PRDM5: variants seen among roughly 807,000 people sequenced by gnomAD.
PRDM5 encodes PR/SET domain 5, also known as PR domain zinc finger protein 5.
In PRDM5, 56 loss-of-function variants were observed where a neutral mutation model predicts 81.2. The ratio of observed to expected loss-of-function variants is 0.69; its 90% CI spans 0.56 to 0.86. The LOEUF is 0.86. Among genes scored for constraint, PRDM5 ranks in the 40% least tolerant of loss-of-function variants. The pLI is 0.00. For missense variants in PRDM5, 697 were observed against 770.1 expected, an observed-to-expected ratio of 0.91 and a Z score of 1.12; for synonymous variants, 267 against 256.4, an observed-to-expected ratio of 1.04 and a Z score of -0.39.
intron 3 of PRDM5, among the ~76,000 whole-genome samples, chr4:120,827,019 C>T (rs373412350): frequency 1.4e-4 from 21 of 152,138 alleles, no homozygotes; most frequent in African/African-American, 4.3e-4. Context: ...ACTAAGGTAC[C>T]GTAGAATATT....
chr4:120,857,744 G>A (rs531341964), intron 2 of PRDM5, among the ~76,000 whole-genome samples: 3 of 152,302 alleles, frequency 2.0e-5, no homozygotes, highest in South Asian at 4.1e-4. Flanking sequence ...ATAGGGAGCA[G>A]GGGAGAGAGA....
chr4:120,766,740 A>T (rs1335989156), intron 13 of PRDM5, among the ~76,000 whole-genome samples: 1 of 152,214 alleles, frequency 6.6e-6, no homozygotes, highest in Non-Finnish European at 1.5e-5. Context: ...GACCTTAGGC[A>T]AATCATTGCA....
At chr4:120,881,142 G>A (rs949221398) in intron 2 of PRDM5, among the ~76,000 whole-genome samples, 4 of 152,058 alleles carry the variant, frequency 2.6e-5, no homozygotes, top group Non-Finnish European at 5.9e-5. Context: ...CCCTTCCCTG[G>A]AGCTTCAATT....
intron 3 of PRDM5, among the ~76,000 whole-genome samples, chr4:120,822,324 T>G (rs2149350205): frequency 6.6e-6 from 1 of 152,294 alleles, no homozygotes; most frequent in East Asian, 1.9e-4. Context: ...AAACAGAGAC[T>G]GAATTTATTG....
intron 14 of PRDM5, among the ~76,000 whole-genome samples, chr4:120,716,664 C>CTG (rs1367356194): frequency 6.6e-6 from 1 of 152,164 alleles, no homozygotes; most frequent in Non-Finnish European, 1.5e-5. Flanking sequence ...ACTAGTCAGA[C>CTG]TGTCTATAGT....
At chr4:120,884,417 G>T (rs2597539) in intron 2 of PRDM5, among the ~76,000 whole-genome samples, 5 of 137,328 alleles carry the variant, frequency 3.6e-5, no homozygotes, top group African/African-American at 1.5e-4. Flanking sequence ...CCCTAAAAAT[G>T]CATAAAAGAA....
chr4:120,714,041 G>C (rs944199731), intron 14 of PRDM5, among the ~76,000 whole-genome samples: 8 of 152,140 alleles, frequency 5.3e-5, no homozygotes, highest in Non-Finnish European at 1.5e-5. Flanking sequence ...CCATCACACT[G>C]ATGGTTAGGA....
chr4:120,738,253 T>C (rs1478341967), intron 14 of PRDM5, among the ~76,000 whole-genome samples: 1 of 152,192 alleles, frequency 6.6e-6, no homozygotes, highest in Non-Finnish European at 1.5e-5. Flanking sequence ...ATAAGTATCA[T>C]TCTGATTACA....
intron 15 of PRDM5, among the ~76,000 whole-genome samples, chr4:120,706,102 T>C (rs1736082265): frequency 6.7e-6 from 1 of 148,710 alleles, no homozygotes; most frequent in African/African-American, 2.5e-5. Context: ...TTTTTTTTTT[T>C]CTTTTTGGAG....
Position 120,722,710 on chromosome 4 carries a change from G to A in PRDM5, c.1624-12297C>T, listed in dbSNP as rs914345098. On this transcript the variant is annotated intron_variant, in intron 14 of 15. Transcript: ENST00000264808. ...ACCAATGACAGCAATTCCACTTCCC[G>A]TGCAGTGATGGGTTTAGCTTAGAGC... 7.9e-5 allele frequency among the ~76,000 whole-genome samples: 12 copies of A among 152,212 alleles called. No homozygotes were observed. In the South Asian group the frequency reaches 8.3e-4, roughly 11 times the overall value.
intron 10 of PRDM5, among the ~76,000 whole-genome samples, chr4:120,785,387 A>G (rs1217556716): frequency 2.0e-5 from 3 of 152,160 alleles, no homozygotes; most frequent in Non-Finnish European, 4.4e-5. Context: ...CTCAGGGCCT[A>G]CTTTGTAGTG....
intron 2 of PRDM5, among the ~76,000 whole-genome samples, chr4:120,895,065 T>G (rs1363220425): frequency 6.6e-6 from 1 of 152,224 alleles, no homozygotes; most frequent in Non-Finnish European, 1.5e-5. Flanking sequence ...TACATGATAA[T>G]GTTAAATGTC....
At chr4:120,878,972 C>T (rs1762585017) in intron 2 of PRDM5, among the ~76,000 whole-genome samples, 1 of 152,186 alleles carries the variant, frequency 6.6e-6, no homozygotes, top group Admixed American at 6.5e-5. Flanking sequence ...TTGGAAGACA[C>T]TTTGACAGTT....
chr4:120,816,743 G>A, intron 6 of PRDM5, 89 bp downstream of exon 6: 1 of 1,515,036 alleles, frequency 6.6e-7, no homozygotes. Flanking sequence ...GTAGGTATGT[G>A]AAACTGAATT....
At chr4:120,696,315 A>T in intron 15 of PRDM5, among the ~76,000 whole-genome samples, 1 of 151,908 alleles carries the variant, frequency 6.6e-6, no homozygotes. Context: ...GATTCCCTTT[A>T]CTCTGTTCAA....
At chr4:120,878,413 T>C (rs1246783010) in intron 2 of PRDM5, among the ~76,000 whole-genome samples, 2 of 152,188 alleles carry the variant, frequency 1.3e-5, no homozygotes. Context: ...AATTAACTTT[T>C]CAAAATGAAT....
At chr4:120,733,882 G>T (rs1410489133) in intron 14 of PRDM5, among the ~76,000 whole-genome samples, 1 of 131,026 alleles carries the variant, frequency 7.6e-6, no homozygotes, top group Admixed American at 8.0e-5. Flanking sequence ...GAAAAACAAT[G>T]ACACAAAAGT....
At position 120,776,213 on chromosome 4, in the gene PRDM5, T is replaced by C. The variant is rs114530547; in HGVS notation, c.1537+975A>G. Among the ~76,000 whole-genome samples, 515 of 152,322 alleles carry C rather than the reference T, an allele frequency of 3.4e-3. 3 individuals carry two copies. The highest frequency in any genetic ancestry group is 0.012 in the African/African-American group (492 of 41,580). ...TGTGTTTCATTTAAAAGTATTTAAG[T>C]ACCTATTCTAAGATAACAAATACTA... On this transcript the variant is annotated intron_variant, in intron 13 of 15. Transcript: ENST00000264808.
At chr4:120,702,195 A>C (rs569540093) in intron 15 of PRDM5, among the ~76,000 whole-genome samples, 2 of 152,218 alleles carry the variant, frequency 1.3e-5, no homozygotes, top group African/African-American at 2.4e-5. Flanking sequence ...CATGCTTCAC[A>C]TAACAGTTGA....
Sources: gnomAD v4.1 joint callset for allele counts (sites outside exome capture counted in the v4.1 genomes callset) on GRCh38, gnomAD v4.1.1 for gene constraint, MANE v1.5 for transcripts, NCBI Gene and HGNC (gene_info 2026-07-23, HGNC 2026-07-21) for gene names.